GTF2E2: variants seen among roughly 807,000 people sequenced by gnomAD.
GTF2E2 encodes general transcription factor IIE subunit 2.
Under a neutral mutation model 40.5 loss-of-function variants are expected in GTF2E2, and 21 were observed. That is an observed-to-expected ratio of 0.52 (90% CI 0.37 to 0.75). GTF2E2 has a LOEUF of 0.75. Ranked by LOEUF, GTF2E2 falls within the 30% of genes least tolerant of loss-of-function variation. The probability of loss-of-function intolerance (pLI) is 0.00; values close to 1 mark genes in which losing one functional copy is unlikely to be tolerated. For missense variants in GTF2E2, 298 were observed against 338.4 expected (o/e 0.88, Z 0.94); for synonymous variants, 117 against 121.6 (o/e 0.96, Z 0.25).
At chr8:30,602,568 C>T (rs1242569904) in intron 6 of GTF2E2, among the ~76,000 whole-genome samples, 1 of 151,876 alleles carries the variant, frequency 6.6e-6, no homozygotes, top group Non-Finnish European at 1.5e-5. Flanking sequence ...ACCAGACTGA[C>T]CAACATGGAG....
At chr8:30,580,132 G>T in intron 7 of GTF2E2, 149 bp downstream of exon 7, 1 of 615,142 alleles carries the variant, frequency 1.6e-6, no homozygotes, top group Non-Finnish European at 2.9e-6. Context: ...CGGGTCTGCA[G>T]GCCTGCAATA....
intron 3 of GTF2E2, among the ~76,000 whole-genome samples, chr8:30,632,199 G>T (rs762187685): frequency 6.6e-6 from 1 of 152,158 alleles, no homozygotes; most frequent in African/African-American, 2.4e-5. Flanking sequence ...AATCTAACAT[G>T]ACAAGCAGCG....
At chr8:30,619,777 A>T (rs957701054) in intron 3 of GTF2E2, among the ~76,000 whole-genome samples, 31 of 152,210 alleles carry the variant, frequency 2.0e-4, no homozygotes, top group African/African-American at 7.5e-4. Context: ...AATGATTTAT[A>T]GCCGCTGAGT....
At chr8:30,650,657 G>A (rs1802241932) in intron 2 of GTF2E2, among the ~76,000 whole-genome samples, 1 of 149,936 alleles carries the variant, frequency 6.7e-6, no homozygotes, top group Non-Finnish European at 1.5e-5. Flanking sequence ...GATCACGCCA[G>A]CAGTGAGCCA....
At chr8:30,625,887 C>T (rs1801258421) in intron 3 of GTF2E2, among the ~76,000 whole-genome samples, 1 of 152,172 alleles carries the variant, frequency 6.6e-6, no homozygotes, top group Admixed American at 6.5e-5. Context: ...GCGTGAGCCA[C>T]CGTGCCCAGC....
At chr8:30,579,915 A>AG (rs1399850589) in intron 7 of GTF2E2, among the ~76,000 whole-genome samples, 1 of 152,180 alleles carries the variant, frequency 6.6e-6, no homozygotes, top group African/African-American at 2.4e-5. Context: ...GGAGCAGGGG[A>AG]GGGCCCCGTT....
chr8:30,603,108 G>T (rs952264905), intron 6 of GTF2E2, among the ~76,000 whole-genome samples: 1 of 152,168 alleles, frequency 6.6e-6, no homozygotes, highest in Admixed American at 6.5e-5. Context: ...ACAGGGACTG[G>T]TCTATCTTAC....
intron 3 of GTF2E2, among the ~76,000 whole-genome samples, chr8:30,621,333 A>G (rs1239053765): frequency 6.6e-6 from 1 of 152,128 alleles, no homozygotes; most frequent in Non-Finnish European, 1.5e-5. Context: ...CAATGCATGA[A>G]AGCCTAACCA....
At chr8:30,646,059 T>C (rs1802062503) in intron 2 of GTF2E2, 1 of 152,528 alleles carries the variant, frequency 6.6e-6, no homozygotes, top group South Asian at 2.1e-4. Context: ...AAAAGTAGTA[T>C]TTTCTAATTT....
At chr8:30,657,616 GCAT>G (rs577177526) in intron 1 of GTF2E2, 1 of 152,268 alleles carries the variant, frequency 6.6e-6, no homozygotes, top group African/African-American at 2.4e-5. Context: ...CCGCGTATGA[GCAT>G]CATTTTAAAT....
chr8:30,639,567 G>A (rs1166945781), intron 2 of GTF2E2, among the ~76,000 whole-genome samples: 2 of 152,084 alleles, frequency 1.3e-5, no homozygotes, highest in African/African-American at 2.4e-5. Flanking sequence ...GATTATCTTC[G>A]TGGCTCAGAG....
At chr8:30,634,694 A>C (rs962671577) in intron 3 of GTF2E2, among the ~76,000 whole-genome samples, 1 of 152,190 alleles carries the variant, frequency 6.6e-6, no homozygotes, top group African/African-American at 2.4e-5. Context: ...AATAACCTGA[A>C]AAATCAATCA....
chr8:30,655,277 T>C (rs139052894), intron 1 of GTF2E2, among the ~76,000 whole-genome samples: 4 of 152,154 alleles, frequency 2.6e-5, no homozygotes, highest in African/African-American at 4.8e-5. Flanking sequence ...TGGTTGTTGT[T>C]TGTCTAGTTC....
At chr8:30,641,583 C>A (rs1020111335) in intron 2 of GTF2E2, among the ~76,000 whole-genome samples, 2 of 152,132 alleles carry the variant, frequency 1.3e-5, no homozygotes, top group Non-Finnish European at 2.9e-5. Context: ...TGGTCTCAAA[C>A]TCCTGGGCTT....
chr8:30,617,464 C>T (rs1433860455), intron 3 of GTF2E2, among the ~76,000 whole-genome samples: 2 of 152,078 alleles, frequency 1.3e-5, no homozygotes, highest in African/African-American at 2.4e-5. Context: ...TAGATATGGC[C>T]GGGCATAGTG....
chr8:30,616,954 T>A (rs1800937600), intron 3 of GTF2E2, among the ~76,000 whole-genome samples: 1 of 151,656 alleles, frequency 6.6e-6, no homozygotes, highest in Non-Finnish European at 1.5e-5. Flanking sequence ...GGAAAAAAAA[T>A]CACAAGAAAC....
chr8:30,654,511 T>C (rs1187485985), intron 1 of GTF2E2, among the ~76,000 whole-genome samples: 1 of 151,972 alleles, frequency 6.6e-6, no homozygotes, highest in Non-Finnish European at 1.5e-5. Context: ...CAAGCAATCC[T>C]CCCACCTCAG....
At chr8:30,587,236 C>A (rs1389991680) in intron 6 of GTF2E2, among the ~76,000 whole-genome samples, 1 of 151,716 alleles carries the variant, frequency 6.6e-6, no homozygotes, top group African/African-American at 2.4e-5. Flanking sequence ...TATAGTGAGA[C>A]CTCGTCTCTA....
chr8:30,650,778 G>T (rs1802246960), intron 2 of GTF2E2, among the ~76,000 whole-genome samples: 1 of 152,094 alleles, frequency 6.6e-6, no homozygotes, highest in African/African-American at 2.4e-5. Flanking sequence ...CACTTTGGGA[G>T]GCCAAGGCGG....
Sources: allele counts gnomAD v4.1 joint callset (sites outside exome capture counted in the v4.1 genomes callset), GRCh38; gene constraint gnomAD v4.1.1; transcripts MANE v1.5; gene names NCBI Gene and HGNC (gene_info 2026-07-23, HGNC 2026-07-21).